RIMS1: variants seen among roughly 807,000 people sequenced by gnomAD.
RIMS1 encodes regulating synaptic membrane exocytosis 1, also known as regulating synaptic membrane exocytosis protein 1.
RIMS1 carries 83 observed loss-of-function variants against 214.1 expected under a neutral mutation model. The ratio of observed to expected loss-of-function variants is 0.39; its 90% CI spans 0.32 to 0.47. The LOEUF (loss-of-function observed/expected upper bound fraction) is 0.47, where lower values mean the gene tolerates loss of function less well. Among genes scored for constraint, RIMS1 ranks in the 20% least tolerant of loss-of-function variants. The pLI is 0.99. For missense variants in RIMS1, 2,050 were observed against 2,161.8 expected (o/e 0.95, Z 1.03); for synonymous variants, 793 against 786.8 (o/e 1.01, Z -0.13).
At chr6:72,102,510 A>G (rs1411927156) in intron 4 of RIMS1, among the ~76,000 whole-genome samples, 1 of 152,058 alleles carries the variant, frequency 6.6e-6, no homozygotes, top group African/African-American at 2.4e-5. Flanking sequence ...CAATTTTTCA[A>G]CTAGTTTTTC....
intron 26 of RIMS1, among the ~76,000 whole-genome samples, chr6:72,296,650 G>GT (rs1218035771): frequency 6.6e-6 from 1 of 151,750 alleles, no homozygotes; most frequent in Non-Finnish European, 1.5e-5. Context: ...TTGAACATGA[G>GT]TTTTCAGCTT....
intron 2 of RIMS1, among the ~76,000 whole-genome samples, chr6:72,062,534 C>A (rs1480661529): frequency 6.6e-6 from 1 of 152,116 alleles, no homozygotes; most frequent in Non-Finnish European, 1.5e-5. Flanking sequence ...GTTAAGCAGA[C>A]TCTGAGATAA....
intron 6 of RIMS1, among the ~76,000 whole-genome samples, chr6:72,212,224 A>G (rs1202172327): frequency 6.6e-6 from 1 of 151,792 alleles, no homozygotes; most frequent in Non-Finnish European, 1.5e-5. Context: ...TTTTTTCATA[A>G]ATTAGGAATA....
chr6:72,299,291 A>C (rs2094397964), intron 26 of RIMS1, among the ~76,000 whole-genome samples: 1 of 151,964 alleles, frequency 6.6e-6, no homozygotes, highest in Non-Finnish European at 1.5e-5. Context: ...ATAACAAAAC[A>C]CATCATATTA....
chr6:72,334,130 T>C (rs970950858), intron 29 of RIMS1, among the ~76,000 whole-genome samples: 1 of 151,902 alleles, frequency 6.6e-6, no homozygotes, highest in Non-Finnish European at 1.5e-5. Flanking sequence ...CATCCAAATT[T>C]ATTTACATGC....
rs140628962 is a variant in RIMS1, at chr6:71,897,070, G to A, written c.164+9883G>A. The stretch of plus-strand genomic sequence containing the variant: ...AAATTTCTTGACTTTCTGCCTAAAC[G>A]CAGTGTCTCTGTATTTCTTGTCTGT... On this transcript the variant is annotated intron_variant, in intron 1 of 33. Transcript: ENST00000521978. Among the ~76,000 whole-genome samples, 99 of 152,196 alleles carry A rather than the reference G, an allele frequency of 6.5e-4. 1 individual carries two copies. The Middle Eastern group carries it at 0.014, about 21-fold the overall frequency.
chr6:72,358,377 G>A (rs891914505), intron 29 of RIMS1, among the ~76,000 whole-genome samples: 5 of 151,538 alleles, frequency 3.3e-5, no homozygotes, highest in African/African-American at 1.2e-4. Context: ...CTTTTTTTTA[G>A]TGAGTATTTT....
chr6:71,955,089 G>A (rs1486077225), intron 1 of RIMS1, among the ~76,000 whole-genome samples: 5 of 151,674 alleles, frequency 3.3e-5, no homozygotes, highest in Non-Finnish European at 7.4e-5. Flanking sequence ...ATTTTTTTTA[G>A]TTAGTTATTC....
At chr6:71,986,133 T>A (rs1799865729) in intron 2 of RIMS1, among the ~76,000 whole-genome samples, 1 of 151,982 alleles carries the variant, frequency 6.6e-6, no homozygotes, top group Non-Finnish European at 1.5e-5. Flanking sequence ...TTATTTGTTG[T>A]ACGTCAGAAA....
Position 72,200,857 on chromosome 6 carries a change from T to TTTGTG in RIMS1, c.1678+17709_1678+17710insTGTGT, listed in dbSNP as rs1281701485. Among the ~76,000 whole-genome samples, 444 of 146,254 alleles carry TTTGTG rather than the reference T, an allele frequency of 3.0e-3. 1 individual carries two copies. Among genetic ancestry groups the TTTGTG allele is most frequent in the Non-Finnish European group, 5.2e-3 (345 of 66,356 alleles). ...TTGAGAAGAGATTGAAAGGACACAA[T>TTTGTG]TGTGTGTGTGTGTGTGTGTGTGTGT... On this transcript the variant is annotated intron_variant, in intron 6 of 33. Coordinates refer to ENST00000521978, the MANE Select transcript of RIMS1 (RefSeq NM_014989.7).
intron 31 of RIMS1, among the ~76,000 whole-genome samples, chr6:72,395,449 T>C (rs536177115): frequency 1.1e-4 from 16 of 152,116 alleles, no homozygotes; most frequent in African/African-American, 3.8e-4. Context: ...AACTCAAATC[T>C]TTAAGAGCCC....
chr6:72,355,061 A>G (rs765795123), intron 29 of RIMS1, among the ~76,000 whole-genome samples: 79 of 152,188 alleles, frequency 5.2e-4, no homozygotes, highest in Non-Finnish European at 1.0e-3. Flanking sequence ...GGTAGACAAT[A>G]TCTTAGAAAG....
rs1221425390 is a variant in RIMS1, at chr6:72,400,821, T to C, written c.*107T>C. 5.6e-6 allele frequency: 5 copies of C among 897,966 alleles called. No individual in the cohort carries two copies. In the Admixed American group the frequency reaches 1.3e-4, roughly 23 times the overall value. 55.6% of individuals were successfully genotyped at this position (897,966 alleles called of 1,614,324 possible). A position where few individuals can be genotyped will look rare whatever the true frequency, so the allele number is the denominator to read the frequency against. On this transcript the variant is annotated 3_prime_UTR_variant, in exon 34 of 34. Coordinates refer to ENST00000521978, the MANE Select transcript of RIMS1 (RefSeq NM_014989.7). Reference sequence around the variant, plus strand: ...TTGTTGGAGACAGACAATCAACTTGTGTTTTGCCTGTAGTAGTTTTTCAAT... The same window carrying C: ...TTGTTGGAGACAGACAATCAACTTGCGTTTTGCCTGTAGTAGTTTTTCAAT...
intron 10 of RIMS1, among the ~76,000 whole-genome samples, chr6:72,244,507 T>G (rs1040891935): frequency 3.3e-5 from 5 of 151,878 alleles, no homozygotes; most frequent in Admixed American, 1.3e-4. Flanking sequence ...AGGCTGATTT[T>G]TTAAGAAGTC....
chr6:72,168,642 G>T (rs1230691403), intron 4 of RIMS1, among the ~76,000 whole-genome samples: 3 of 149,350 alleles, frequency 2.0e-5, no homozygotes, highest in Admixed American at 1.3e-4. Flanking sequence ...CTGTCATTTT[G>T]TCTCATAGTG....
At position 71,899,377 on chromosome 6, in the gene RIMS1, G is replaced by A. The variant is rs754288485; in HGVS notation, c.164+12190G>A. ...TTCTTTGGTTCCTCTTCACTTGGAGGTTTGACTTCAATTACTGTGGGTCAG... is the reference window on the plus strand; with the variant it reads ...TTCTTTGGTTCCTCTTCACTTGGAGATTTGACTTCAATTACTGTGGGTCAG... On this transcript the variant is annotated intron_variant, in intron 1 of 33. Transcript: ENST00000521978. Among the ~76,000 whole-genome samples, 35 of 151,946 alleles carry A rather than the reference G, an allele frequency of 2.3e-4. No homozygotes were observed. The Middle Eastern group carries it at 0.01, about 44-fold the overall frequency.
chr6:72,093,743 C>T (rs2030046775), intron 2 of RIMS1, among the ~76,000 whole-genome samples: 2 of 151,936 alleles, frequency 1.3e-5, no homozygotes, highest in African/African-American at 4.8e-5. Context: ...TAACTCTTAT[C>T]TTCTTTTAGA....
chr6:72,230,321 T>C (rs980574593), intron 6 of RIMS1, among the ~76,000 whole-genome samples: 1 of 151,670 alleles, frequency 6.6e-6, no homozygotes, highest in Admixed American at 6.6e-5. Flanking sequence ...CTTCTAGAGA[T>C]AGTCAAGAAG....
chr6:72,197,713 T>C (rs1346332309), intron 6 of RIMS1, among the ~76,000 whole-genome samples: 2 of 151,962 alleles, frequency 1.3e-5, no homozygotes, highest in Non-Finnish European at 2.9e-5. Flanking sequence ...GGAAATAAAA[T>C]AACCTGATCT....
Sources: allele counts gnomAD v4.1 joint callset (sites outside exome capture counted in the v4.1 genomes callset), GRCh38; gene constraint gnomAD v4.1.1; transcripts MANE v1.5; gene names NCBI Gene and HGNC (gene_info 2026-07-23, HGNC 2026-07-21).